Variants in KLHL6 observed in about 807,000 individuals in gnomAD.
The protein encoded by KLHL6 is kelch-like protein 6.
Under a neutral mutation model 58.6 loss-of-function variants are expected in KLHL6, and 41 were observed. That is an observed-to-expected ratio of 0.70 (90% confidence interval 0.55 to 0.91). KLHL6 has a LOEUF of 0.91. Among genes scored for constraint, KLHL6 ranks in the 40% least tolerant of loss-of-function variants. The probability of loss-of-function intolerance (pLI) is 0.00; values close to 1 mark genes in which losing one functional copy is unlikely to be tolerated. For synonymous variants in KLHL6, 338 were observed against 322.7 expected (o/e 1.05, Z -0.51); for missense variants, 714 against 805.6 (o/e 0.89, Z 1.38).
At chr3:183,549,646 C>T (rs1000473370) in intron 1 of KLHL6, among the ~76,000 whole-genome samples, 15 of 152,168 alleles carry the variant, frequency 9.9e-5, no homozygotes, top group African/African-American at 3.6e-4. Flanking sequence ...GTAGCTGGGA[C>T]TACAGGCATG....
At chr3:183,516,523 C>G (rs1711569291) in intron 2 of KLHL6, among the ~76,000 whole-genome samples, 1 of 152,202 alleles carries the variant, frequency 6.6e-6, no homozygotes, top group Non-Finnish European at 1.5e-5. Flanking sequence ...AAAATACAAT[C>G]AAAGAAACCA....
At chr3:183,542,509 G>A (rs1375454275) in intron 1 of KLHL6, among the ~76,000 whole-genome samples, 2 of 151,984 alleles carry the variant, frequency 1.3e-5, no homozygotes, top group East Asian at 3.9e-4. Context: ...GCCCCTTCTG[G>A]CCAATGCCTA....
chr3:183,517,784 T>G (rs1457916505), intron 2 of KLHL6, among the ~76,000 whole-genome samples: 1 of 152,216 alleles, frequency 6.6e-6, no homozygotes, highest in Admixed American at 6.5e-5. Context: ...GCTCAGTGAT[T>G]CAGCCCAGCA....
chr3:183,515,561 A>AT (rs1711536093), intron 2 of KLHL6, among the ~76,000 whole-genome samples: 1 of 152,128 alleles, frequency 6.6e-6, no homozygotes, highest in South Asian at 2.1e-4. Context: ...AAAACTAAAA[A>AT]TAAAAAGGAA....
chr3:183,500,728 C>G (rs1481114639), intron 3 of KLHL6, among the ~76,000 whole-genome samples: 4 of 152,126 alleles, frequency 2.6e-5, no homozygotes, highest in Non-Finnish European at 2.9e-5. Flanking sequence ...TTCCATTGAT[C>G]CCCTGGGCTC....
intron 1 of KLHL6, among the ~76,000 whole-genome samples, chr3:183,538,137 C>T (rs1712426264): frequency 6.6e-6 from 1 of 152,164 alleles, no homozygotes; most frequent in Admixed American, 6.5e-5. Context: ...CTCCCGAGTC[C>T]AGGGCCTAGA....
chr3:183,545,973 G>A (rs73884519), intron 1 of KLHL6, among the ~76,000 whole-genome samples: 2,038 of 152,276 alleles, frequency 0.013, 40 homozygotes, highest in African/African-American at 0.046. Flanking sequence ...CCAAGCGTTC[G>A]TTCACTTCAC....
intron 3 of KLHL6, among the ~76,000 whole-genome samples, chr3:183,504,999 C>T (rs1427384207): frequency 6.6e-6 from 1 of 152,172 alleles, no homozygotes; most frequent in Non-Finnish European, 1.5e-5. Context: ...AGGATAATGG[C>T]CTCCAGCTCC....
rs1472753763 is a variant in KLHL6, at chr3:183,534,134, ACTTTT to A, written c.294-6129_294-6125del. 3.4e-3 allele frequency among the ~76,000 whole-genome samples: 486 copies of A among 142,714 alleles called. 8 individuals carry two copies. Among genetic ancestry groups the A allele is most frequent in the South Asian group, 5.6e-3 (26 of 4,632 alleles). 93.6% of individuals were successfully genotyped at this position (142,714 alleles called of 152,430 possible). A position where few individuals can be genotyped will look rare whatever the true frequency, so the allele number is the denominator to read the frequency against. ...GTACTTTACTTTTAAAGTACTTTGT[ACTTTT>A]AAAGTACTTTAAAAGTACTTTAAAA... is the stretch of plus-strand genomic sequence containing the variant. On this transcript the variant is annotated intron_variant, in intron 1 of 6. Transcript: ENST00000341319.
chr3:183,539,217 G>A (rs1430322758), intron 1 of KLHL6, among the ~76,000 whole-genome samples: 3 of 141,532 alleles, frequency 2.1e-5, no homozygotes, highest in African/African-American at 6.3e-5. Context: ...GATATGTTTC[G>A]GAAAGTCCTC....
intron 3 of KLHL6, among the ~76,000 whole-genome samples, chr3:183,507,441 T>G (rs185580042): frequency 6.3e-4 from 96 of 152,218 alleles, no homozygotes; most frequent in Non-Finnish European, 1.2e-3. Context: ...TTGTTTTGCT[T>G]TGCTTTTTGA....
intron 2 of KLHL6, among the ~76,000 whole-genome samples, chr3:183,527,130 CA>C (rs908432341): frequency 2.7e-5 from 4 of 149,040 alleles, no homozygotes; most frequent in African/African-American, 4.9e-5. Context: ...ACAAACAAAC[CA>C]AAAAAAAGGA....
chr3:183,494,061 A>G lies in KLHL6; in HGVS notation c.1350+18T>C. 3.7e-6 allele frequency: 6 copies of G among 1,607,236 alleles called. No individual in the cohort carries two copies. The highest frequency in any genetic ancestry group is 5.1e-6 in the Non-Finnish European group (6 of 1,173,740). On this transcript the variant is annotated intron_variant, in intron 5 of 6. Transcript: ENST00000341319. ...AGTAATAATACAGGCAGTTACTGGT[A>G]GAAATCGTGTCCTATACCTCTGACC...
In KLHL6 at chr3:183,506,880, A is replaced by G. The variant is rs554022233; in HGVS notation, c.909+1179T>C. On this transcript the variant is annotated intron_variant, in intron 3 of 6. Transcript: ENST00000341319. ...AATAAATAAATAAATAAATAAAAGG[A>G]GAAGTCTCTGGAGAAAGTGATGCTT... is the stretch of plus-strand genomic sequence containing the variant. Among the ~76,000 whole-genome samples the G allele has an allele frequency of 3.3e-5, 5 of 151,974 alleles. No homozygotes were observed. In the South Asian group the frequency reaches 1.0e-3, roughly 31 times the overall value.
intron 1 of KLHL6, among the ~76,000 whole-genome samples, chr3:183,537,460 C>A (rs1185311565): frequency 6.6e-6 from 1 of 152,184 alleles, no homozygotes; most frequent in Non-Finnish European, 1.5e-5. Context: ...AAGACACTGA[C>A]CAATTCTCAT....
chr3:183,501,812 A>G (rs1456973770), intron 3 of KLHL6, among the ~76,000 whole-genome samples: 1 of 152,212 alleles, frequency 6.6e-6, no homozygotes, highest in Admixed American at 6.5e-5. Context: ...CCTTTTCTCC[A>G]GGAAGCCATT....
chr3:183,543,581 T>C (rs1190595566), intron 1 of KLHL6, among the ~76,000 whole-genome samples: 1 of 152,170 alleles, frequency 6.6e-6, no homozygotes, highest in Non-Finnish European at 1.5e-5. Context: ...GCGTTCGCTA[T>C]ACACAATAAT....
At chr3:183,506,421 A>G (rs1258869242) in intron 3 of KLHL6, among the ~76,000 whole-genome samples, 2 of 152,240 alleles carry the variant, frequency 1.3e-5, no homozygotes, top group African/African-American at 4.8e-5. Context: ...GCAATAAGAC[A>G]TATTTCCTAC....
At chr3:183,551,301 C>A (rs553066182) in intron 1 of KLHL6, among the ~76,000 whole-genome samples, 138 of 152,142 alleles carry the variant, frequency 9.1e-4, no homozygotes, top group Middle Eastern at 3.4e-3. Context: ...TGAATCCCAG[C>A]CAGCGTGCAA....
Sources: gnomAD v4.1 joint callset for allele counts (sites outside exome capture counted in the v4.1 genomes callset) on GRCh38, gnomAD v4.1.1 for gene constraint, MANE v1.5 for transcripts, NCBI Gene and HGNC (gene_info 2026-07-23, HGNC 2026-07-21) for gene names.